The following CALN1 variants were observed in gnomAD, a reference collection of about 807,000 sequenced individuals.
CALN1 encodes calcium-binding protein 8.
Under a neutral mutation model 30.6 loss-of-function variants are expected in CALN1, and 17 were observed. That is an observed-to-expected ratio of 0.56 (90% CI 0.38 to 0.83). The LOEUF (loss-of-function observed/expected upper bound fraction) is 0.83, where lower values mean the gene tolerates loss of function less well. CALN1 is among the 40% of genes least tolerant of loss of function. The pLI, the probability that CALN1 is intolerant of heterozygous loss-of-function variation, is 0.00. For synonymous variants in CALN1, 156 were observed against 131.4 expected (o/e 1.19, Z -1.28); for missense variants, 291 against 354.9 (o/e 0.82, Z 1.45).
intron 3 of CALN1, among the ~76,000 whole-genome samples, chr7:72,262,143 C>T (rs1224851745): frequency 3.3e-5 from 5 of 152,164 alleles, no homozygotes; most frequent in Admixed American, 6.5e-5. Flanking sequence ...TGCTTTCAGC[C>T]TCCCCATGTC....
intron 3 of CALN1, among the ~76,000 whole-genome samples, chr7:72,253,317 G>A (rs937102729): frequency 6.6e-6 from 1 of 152,198 alleles, no homozygotes; most frequent in Non-Finnish European, 1.5e-5. Flanking sequence ...TGGAACTGAT[G>A]CCTTCATCCT....
At chr7:71,855,999 A>G (rs1172375233) in intron 5 of CALN1, among the ~76,000 whole-genome samples, 4 of 152,098 alleles carry the variant, frequency 2.6e-5, no homozygotes, top group Non-Finnish European at 5.9e-5. Context: ...ACATATACAT[A>G]TTGAGACAGG....
rs1808231179 is a variant in CALN1 at position 72,438,065 on chromosome 7, C to T, written c.-226+8977G>A. 2.0e-5 allele frequency among the ~76,000 whole-genome samples: 3 copies of T among 152,000 alleles called. No homozygotes were observed. The South Asian group carries it at 6.2e-4, about 32-fold the overall frequency. On this transcript the variant is annotated intron_variant, in intron 1 of 6. Transcript: ENST00000395276. Reference sequence around the variant, plus strand: ...TCATGGCTCACTGCAGCCTTCACTCCTAAGCTCCAATGATCCTCCCACCTC... The same window carrying T: ...TCATGGCTCACTGCAGCCTTCACTCTTAAGCTCCAATGATCCTCCCACCTC...
intron 2 of CALN1, among the ~76,000 whole-genome samples, chr7:72,298,578 A>G (rs1342393465): frequency 6.6e-6 from 1 of 152,170 alleles, no homozygotes; most frequent in Admixed American, 6.6e-5. Context: ...GTTTCTTGGT[A>G]GACGTTCTGT....
the CALN1 span, among the ~76,000 whole-genome samples, chr7:72,473,524 G>A: frequency 2.0e-5 from 3 of 152,180 alleles, no homozygotes; most frequent in East Asian, 5.8e-4. Context: ...TAATAACATG[G>A]TTCTCATGTA....
At chr7:71,962,880 A>G (rs6980199) in intron 5 of CALN1, among the ~76,000 whole-genome samples, 3 of 151,976 alleles carry the variant, frequency 2.0e-5, no homozygotes. Context: ...GGAAAAATGA[A>G]ATCAGAAGAG....
intron 2 of CALN1, among the ~76,000 whole-genome samples, chr7:72,383,898 T>C (rs1244750395): frequency 6.6e-6 from 1 of 152,236 alleles, no homozygotes; most frequent in Non-Finnish European, 1.5e-5. Flanking sequence ...GTGCAGAACA[T>C]GCAGGTTTGT....
At chr7:72,322,010 G>A (rs1050905091) in intron 2 of CALN1, among the ~76,000 whole-genome samples, 1 of 152,174 alleles carries the variant, frequency 6.6e-6, no homozygotes, top group Non-Finnish European at 1.5e-5. Context: ...GGGGGCAGGA[G>A]AGGATGGTTT....
chr7:72,487,913 AGAAAGAAGGAAG>A, the CALN1 span, among the ~76,000 whole-genome samples: 5 of 76,232 alleles, frequency 6.6e-5, no homozygotes, highest in Admixed American at 2.6e-4. Context: ...AAAGAAAGAA[AGAAAGAAGGAAG>A]GAAGGAAGGA....
At chr7:72,418,157 C>T in intron 1 of CALN1, among the ~76,000 whole-genome samples, 1 of 151,876 alleles carries the variant, frequency 6.6e-6, no homozygotes, top group Non-Finnish European at 1.5e-5. Flanking sequence ...CTGTTCTTCC[C>T]ATCTTGATGT....
rs139436808 is a variant in CALN1, at chr7:71,809,169, C to T, written c.658+1167G>A. Among the ~76,000 whole-genome samples the T allele has an allele frequency of 1.1e-4, 16 of 152,180 alleles. No homozygotes were observed. In the East Asian group the frequency reaches 2.9e-3, roughly 28 times the overall value. The stretch of plus-strand genomic sequence containing the variant: ...TGTTTTGCAACAGACTCCACTACTC[C>T]CTCTCTCCCACTGTTTGCAACCTCA... On this transcript the variant is annotated intron_variant, in intron 6 of 6. Coordinates refer to ENST00000395275, the MANE Select transcript of CALN1 (RefSeq NM_031468.4).
chr7:72,082,422 G>A (rs1805208602), intron 4 of CALN1, among the ~76,000 whole-genome samples: 2 of 152,166 alleles, frequency 1.3e-5, no homozygotes, highest in Admixed American at 1.3e-4. Flanking sequence ...AGGTTGGATA[G>A]GGCAGGAGAG....
intron 2 of CALN1, among the ~76,000 whole-genome samples, chr7:72,318,625 C>G (rs996007983): frequency 2.6e-5 from 4 of 151,084 alleles, no homozygotes; most frequent in Non-Finnish European, 4.4e-5. Flanking sequence ...ACTGCAGCCT[C>G]GAACTCCTGG....
At position 72,400,793 on chromosome 7, in the gene CALN1, C is replaced by T. The variant is rs761059829; in HGVS notation, c.119+2458G>A. 8.5e-5 allele frequency among the ~76,000 whole-genome samples: 13 copies of T among 152,336 alleles called. No individual in the cohort carries two copies. The South Asian group carries it at 1.2e-3, about 15-fold the overall frequency. ...GGCCTTAGATTTCATGAGACCCACCCTCTGCCCACTCCCATGGATATCTCC... is the reference window on the plus strand; with the variant it reads ...GGCCTTAGATTTCATGAGACCCACCTTCTGCCCACTCCCATGGATATCTCC... On this transcript the variant is annotated intron_variant, in intron 2 of 6. Coordinates refer to ENST00000395275, the MANE Select transcript of CALN1 (RefSeq NM_031468.4).
chr7:71,998,574 C>CTTTTT (rs61218281), intron 5 of CALN1, among the ~76,000 whole-genome samples: 4 of 142,754 alleles, frequency 2.8e-5, no homozygotes, highest in African/African-American at 7.7e-5. Flanking sequence ...AACAGATATA[C>CTTTTT]TTTTTTTTTT....
chr7:71,863,359 A>C (rs1378978762), intron 5 of CALN1, among the ~76,000 whole-genome samples: 1 of 151,940 alleles, frequency 6.6e-6, no homozygotes, highest in Non-Finnish European at 1.5e-5. Context: ...GGAGTTTGAG[A>C]CCAGCCTGGC....
At chr7:71,821,169 G>T (rs763697303) in intron 5 of CALN1, among the ~76,000 whole-genome samples, 13 of 152,238 alleles carry the variant, frequency 8.5e-5, no homozygotes, top group South Asian at 2.1e-4. Flanking sequence ...AAAGTCATCA[G>T]AAAGGATGAC....
chr7:72,414,704 G>C (rs1272275428), upstream of CALN1, among the ~76,000 whole-genome samples: 2 of 152,176 alleles, frequency 1.3e-5, no homozygotes, highest in Non-Finnish European at 2.9e-5. Flanking sequence ...CATGAGCTCT[G>C]TACCCCTCTC....
chr7:72,179,718 C>T (rs952650177), intron 3 of CALN1, among the ~76,000 whole-genome samples: 8 of 152,092 alleles, frequency 5.3e-5, no homozygotes, highest in African/African-American at 1.9e-4. Flanking sequence ...TATTTTGCCA[C>T]ATTTGCTTCA....
Sources: gnomAD v4.1 joint callset for allele counts (sites outside exome capture counted in the v4.1 genomes callset) on GRCh38, gnomAD v4.1.1 for gene constraint, MANE v1.5 for transcripts, NCBI Gene and HGNC (gene_info 2026-07-23, HGNC 2026-07-21) for gene names.